PTPA: variants seen among roughly 807,000 people sequenced by gnomAD.
PTPA encodes protein phosphatase 2 phosphatase activator.
A neutral mutation model predicts 43.6 loss-of-function variants in PTPA; 13 were observed. That is an observed-to-expected ratio of 0.30 (90% confidence interval 0.19 to 0.47). The LOEUF is 0.47. Ranked by LOEUF, PTPA falls within the 20% of genes least tolerant of loss-of-function variation. The probability of loss-of-function intolerance (pLI) is 0.99; values close to 1 mark genes in which losing one functional copy is unlikely to be tolerated. For missense variants in PTPA, 329 were observed against 411.9 expected (o/e 0.80, Z 1.74); for synonymous variants, 172 against 158.2 (o/e 1.09, Z -0.66).
At chr9:129,142,882 C>G (rs894583452) in intron 9 of PTPA, 1 of 1,507,830 alleles carries the variant, frequency 6.6e-7, no homozygotes, top group African/African-American at 1.4e-5. Flanking sequence ...AAAGGCTCCT[C>G]AAAGCTCGGG....
Position 129,111,635 on chromosome 9 carries a change from A to C in PTPA, c.31+4A>C. ...GGCGAGCGGCAGCCGCCGCCAGGTA[A>C]GGCCGGCGGGGCCAGGCCGGGCCGG... On this transcript the variant is annotated splice_donor_region_variant and intron_variant, in intron 1 of 9. Coordinates refer to ENST00000393370, the MANE Select transcript of PTPA (RefSeq NM_178000.3). 8.0e-7 allele frequency: 1 copy of C among 1,249,720 alleles called. No homozygotes were observed. Among genetic ancestry groups the C allele is most frequent in the Non-Finnish European group, 1.0e-6 (1 of 987,548 alleles). 77.4% of individuals were successfully genotyped at this position (1,249,720 alleles called of 1,614,324 possible).
Position 129,137,647 on chromosome 9 carries a change from C to T in PTPA, c.741C>T (p.Asn247=). 3 of 1,612,928 alleles carry T rather than the reference C, an allele frequency of 1.9e-6. No homozygotes were observed. The highest frequency in any genetic ancestry group is 2.5e-6 in the Non-Finnish European group (3 of 1,179,438). ...TGGATGAGAAGGCCGTGAATGAGAA[C>T]CACAAGGACTACATGTTCCTGGAGT... ...HFVDEKAVNE[N]HKDYMFLECI... The change falls in exon 8 of 10, where the codon AAC becomes AAT. Residue 247 remains asparagine (N), a synonymous_variant. Transcript: ENST00000393370.
At chr9:129,146,492 G>A (rs901127529) in intron 9 of PTPA, among the ~76,000 whole-genome samples, 3 of 152,208 alleles carry the variant, frequency 2.0e-5, no homozygotes, top group Admixed American at 2.0e-4. Context: ...TACTCTCTCT[G>A]AGGCCATAAG....
In PTPA at chr9:129,142,372, C is replaced by T. The variant is rs1258845148; in HGVS notation, c.787-73C>T. 5.7e-6 allele frequency: 8 copies of T among 1,399,828 alleles called. No individual in the cohort carries two copies. The East Asian group carries it at 1.6e-4, about 28-fold the overall frequency. 86.7% of individuals were successfully genotyped at this position (1,399,828 alleles called of 1,614,324 possible). A position where few individuals can be genotyped will look rare whatever the true frequency, so the allele number is the denominator to read the frequency against. ...TGTGTGTGTGCATGCATGGGTGTGA[C>T]TTTGCTGCAGGGGAGGAGGGATGAG... On this transcript the variant is annotated intron_variant, in intron 8 of 9. Coordinates refer to ENST00000393370, the MANE Select transcript of PTPA (RefSeq NM_178000.3).
At chr9:129,114,512 TGTA>T (rs1253725433) in intron 1 of PTPA, among the ~76,000 whole-genome samples, 1 of 152,204 alleles carries the variant, frequency 6.6e-6, no homozygotes, top group Non-Finnish European at 1.5e-5. Context: ...TTCATAGAAT[TGTA>T]GTATGTGTTT....
chr9:129,124,844 A>G (rs1849475012), intron 3 of PTPA, among the ~76,000 whole-genome samples: 2 of 152,196 alleles, frequency 1.3e-5, no homozygotes, highest in South Asian at 2.1e-4. Context: ...CACCTGCCCC[A>G]AGATTAACAC....
chr9:129,132,681 C>A (rs1054855103), intron 5 of PTPA, among the ~76,000 whole-genome samples: 1 of 152,222 alleles, frequency 6.6e-6, no homozygotes, highest in East Asian at 1.9e-4. Context: ...CAGGGTTTCA[C>A]CATGTTGGCC....
chr9:129,146,541 T>C (rs1025635087), intron 9 of PTPA, among the ~76,000 whole-genome samples: 1 of 152,210 alleles, frequency 6.6e-6, no homozygotes, highest in Non-Finnish European at 1.5e-5. Flanking sequence ...TAACATACTC[T>C]GTTTTCTGTG....
At chr9:129,142,675 T>A in intron 9 of PTPA, 123 bp downstream of exon 9, 1 of 1,549,384 alleles carries the variant, frequency 6.5e-7, no homozygotes, top group Non-Finnish European at 8.7e-7. Context: ...TTGCTCTGAA[T>A]CTTAGGCCAG....
chr9:129,115,997 A>G (rs1848836666), intron 1 of PTPA, among the ~76,000 whole-genome samples: 1 of 151,694 alleles, frequency 6.6e-6, no homozygotes, highest in South Asian at 2.1e-4. Flanking sequence ...AGTAGCTGGG[A>G]CTACAGGTGT....
At chr9:129,126,189 ATTTATTTTTATT>A (rs978621480) in intron 3 of PTPA, among the ~76,000 whole-genome samples, 19 of 151,662 alleles carry the variant, frequency 1.3e-4, no homozygotes, top group African/African-American at 4.6e-4. Context: ...TTTATTATTT[ATTTATTTTTATT>A]TTTATTTTTA....
At chr9:129,128,408 C>T (rs558567788) in intron 3 of PTPA, among the ~76,000 whole-genome samples, 87 of 151,870 alleles carry the variant, frequency 5.7e-4, no homozygotes, top group African/African-American at 2.1e-3. Context: ...TGGTGGTGTG[C>T]GCCTTTAGTC....
rs754014553 is a variant in PTPA, at chr9:129,147,472, C to G, written c.*8C>G. On this transcript the variant is annotated 3_prime_UTR_variant, in exon 10 of 10. Coordinates refer to ENST00000393370, the MANE Select transcript of PTPA (RefSeq NM_178000.3). ...CCTGTCACGTCGGGCTAGGAGGGGC[C>G]AAGCCGAAGAGCCACCCAGGCCACA... The G allele has an allele frequency of 5.8e-5, 93 of 1,612,400 alleles. No homozygotes were observed. The highest frequency in any genetic ancestry group is 7.6e-5 in the Non-Finnish European group (90 of 1,179,618).
intron 9 of PTPA, among the ~76,000 whole-genome samples, chr9:129,144,354 A>T (rs1851135044): frequency 6.6e-6 from 1 of 152,094 alleles, no homozygotes. Context: ...AATCTGAAAA[A>T]GGGAGATTCT....
chr9:129,133,337 G>A (rs17508833), intron 5 of PTPA, among the ~76,000 whole-genome samples: 9,399 of 152,266 alleles, frequency 0.062, 936 homozygotes, highest in African/African-American at 0.21. Flanking sequence ...AGATCAAAGA[G>A]GGAAGACTGG....
At chr9:129,114,177 G>T (rs890355891) in intron 1 of PTPA, among the ~76,000 whole-genome samples, 2 of 152,058 alleles carry the variant, frequency 1.3e-5, no homozygotes, top group African/African-American at 2.4e-5. Context: ...GCCCACCACT[G>T]TGCCGGGCTA....
intron 8 of PTPA, among the ~76,000 whole-genome samples, chr9:129,138,468 C>T (rs537919401): frequency 6.6e-6 from 1 of 152,362 alleles, no homozygotes; most frequent in African/African-American, 2.4e-5. Context: ...GGACCCTCTG[C>T]TCTCTGGACC....
At chr9:129,116,719 CAG>C (rs766177293) in intron 1 of PTPA, among the ~76,000 whole-genome samples, 33 of 151,922 alleles carry the variant, frequency 2.2e-4, no homozygotes, top group Admixed American at 5.9e-4. Context: ...TTAGTAGAGA[CAG>C]GGTTTCGCCA....
intron 1 of PTPA, among the ~76,000 whole-genome samples, chr9:129,113,668 G>T (rs954667489): frequency 2.6e-5 from 4 of 151,976 alleles, no homozygotes; most frequent in African/African-American, 7.2e-5. Flanking sequence ...TACTCGGGAG[G>T]CTGAGGCAGG....
Sources: allele counts gnomAD v4.1 joint callset (sites outside exome capture counted in the v4.1 genomes callset), GRCh38; gene constraint gnomAD v4.1.1; transcripts MANE v1.5; gene names NCBI Gene and HGNC (gene_info 2026-07-23, HGNC 2026-07-21).